The following DCUN1D4 variants were observed in gnomAD, a reference collection of about 807,000 sequenced individuals.
DCUN1D4 encodes defective in cullin neddylation 1 domain containing 4.
A neutral mutation model predicts 47.9 loss-of-function variants in DCUN1D4; 22 were observed. The ratio of observed to expected loss-of-function variants is 0.46; its 90% CI spans 0.33 to 0.66. The LOEUF (loss-of-function observed/expected upper bound fraction) is 0.66. Among genes scored for constraint, DCUN1D4 ranks in the 30% least tolerant of loss-of-function variants. DCUN1D4 has a pLI of 0.02. For synonymous variants in DCUN1D4, 121 were observed against 112.2 expected (o/e 1.08, Z -0.50); for missense variants, 301 against 340.8 (o/e 0.88, Z 0.92).
At chr4:51,834,682 G>A in the DCUN1D4 span, among the ~76,000 whole-genome samples, 2 of 152,114 alleles carry the variant, frequency 1.3e-5, no homozygotes, top group Non-Finnish European at 2.9e-5. Flanking sequence ...TCCCGAAAAT[G>A]GGAGCAGTCT....
chr4:51,874,171 C>T (rs1727320379), intron 3 of DCUN1D4, 100 bp from the exon 4 acceptor site: 1 of 616,950 alleles, frequency 1.6e-6, no homozygotes, highest in Admixed American at 3.4e-5. Flanking sequence ...CCTTACAATA[C>T]AAGCTGTGGA....
intron 1 of DCUN1D4, among the ~76,000 whole-genome samples, chr4:51,855,559 A>C (rs1043069368): frequency 1.3e-5 from 2 of 152,214 alleles, no homozygotes; most frequent in African/African-American, 4.8e-5. Flanking sequence ...GTCAAGGGTC[A>C]TGGAGGCTGA....
chr4:51,859,853 G>T (rs986531140), intron 1 of DCUN1D4, among the ~76,000 whole-genome samples: 1 of 152,042 alleles, frequency 6.6e-6, no homozygotes, highest in African/African-American at 2.4e-5. Context: ...TTGGAGAGCC[G>T]TCTGATCATG....
chr4:51,844,297 C>T, intron 1 of DCUN1D4: 1 of 897,732 alleles, frequency 1.1e-6, no homozygotes. Context: ...GTCCAAGCTT[C>T]GGGGTGCGGA....
intron 5 of DCUN1D4, among the ~76,000 whole-genome samples, chr4:51,882,018 A>G (rs911679647): frequency 2.6e-5 from 4 of 152,152 alleles, no homozygotes; most frequent in Non-Finnish European, 5.9e-5. Context: ...AAAGTGTTAG[A>G]TGGCAGGGTT....
intron 1 of DCUN1D4, among the ~76,000 whole-genome samples, chr4:51,847,031 C>G (rs181162453): frequency 6.6e-6 from 1 of 152,276 alleles, no homozygotes; most frequent in African/African-American, 2.4e-5. Flanking sequence ...TTGAACTGAT[C>G]TCATGCCACT....
At chr4:51,851,069 T>C (rs1338374698) in intron 1 of DCUN1D4, among the ~76,000 whole-genome samples, 1 of 152,212 alleles carries the variant, frequency 6.6e-6, no homozygotes, top group African/African-American at 2.4e-5. Context: ...GACAGTCTCC[T>C]AGGTAGCCTT....
intron 3 of DCUN1D4, among the ~76,000 whole-genome samples, chr4:51,870,934 G>A (rs769118027): frequency 2.0e-5 from 3 of 151,880 alleles, no homozygotes; most frequent in Non-Finnish European, 4.4e-5. Flanking sequence ...CAGCTGTGCT[G>A]TGTGGTCCTA....
chr4:51,900,799 T>G (rs943540581), intron 8 of DCUN1D4, among the ~76,000 whole-genome samples: 56 of 152,130 alleles, frequency 3.7e-4, no homozygotes, highest in African/African-American at 1.3e-3. Context: ...AGTCAGCTGT[T>G]TCTTATAGTA....
At chr4:51,875,671 A>G (rs1727560137) in intron 4 of DCUN1D4, among the ~76,000 whole-genome samples, 1 of 152,176 alleles carries the variant, frequency 6.6e-6, no homozygotes, top group Admixed American at 6.5e-5. Context: ...AGCCCCAGAC[A>G]ACCACTAATC....
intron 8 of DCUN1D4, among the ~76,000 whole-genome samples, chr4:51,906,751 ATT>A (rs750285322): frequency 7.2e-5 from 11 of 152,158 alleles, no homozygotes; most frequent in Admixed American, 1.3e-4. Context: ...AGCCAGGCAT[ATT>A]TGCTCAGCAG....
intron 1 of DCUN1D4, chr4:51,848,389 A>T: frequency 8.7e-7 from 1 of 1,155,942 alleles, no homozygotes; most frequent in African/African-American, 1.6e-5. Flanking sequence ...AGGGGCCTAG[A>T]GTGTTTGTCC....
chr4:51,888,088 C>A (rs940075019), intron 6 of DCUN1D4, among the ~76,000 whole-genome samples: 27 of 151,990 alleles, frequency 1.8e-4, no homozygotes, highest in Admixed American at 1.4e-3. Context: ...CCAAGCTTGG[C>A]AGAGTGTTTT....
At chr4:51,897,243 A>C (rs1731406693) in intron 7 of DCUN1D4, among the ~76,000 whole-genome samples, 1 of 152,232 alleles carries the variant, frequency 6.6e-6, no homozygotes, top group Non-Finnish European at 1.5e-5. Flanking sequence ...GTTTCATAGA[A>C]ATTAAACATT....
intron 8 of DCUN1D4, chr4:51,905,310 T>G (rs1468057756): frequency 4.6e-6 from 2 of 432,154 alleles, no homozygotes; most frequent in Non-Finnish European, 9.5e-6. Context: ...GCATCTGCCC[T>G]TGACGTCCAG....
chr4:51,836,840 G>T, the DCUN1D4 span, among the ~76,000 whole-genome samples: 1 of 152,138 alleles, frequency 6.6e-6, no homozygotes, highest in Non-Finnish European at 1.5e-5. Context: ...ATGCTCAGCT[G>T]CCATGCAGCC....
chr4:51,897,140 T>C (rs1731394176), intron 7 of DCUN1D4, among the ~76,000 whole-genome samples: 1 of 152,256 alleles, frequency 6.6e-6, no homozygotes, highest in Non-Finnish European at 1.5e-5. Context: ...TGTCATTCTC[T>C]TGAAGAAGTC....
chr4:51,886,839 T>C, intron 6 of DCUN1D4: 1 of 549,896 alleles, frequency 1.8e-6, no homozygotes, highest in Non-Finnish European at 3.3e-6. Context: ...ACTACAGTTA[T>C]TTTTTCTCTC....
At chr4:51,871,621 CTT>C (rs1360307861) in intron 3 of DCUN1D4, among the ~76,000 whole-genome samples, 1 of 152,166 alleles carries the variant, frequency 6.6e-6, no homozygotes, top group East Asian at 1.9e-4. Context: ...AAGAAAATGT[CTT>C]TTCTTCCTGC....
Sources: allele counts gnomAD v4.1 joint callset (sites outside exome capture counted in the v4.1 genomes callset), GRCh38; gene constraint gnomAD v4.1.1; transcripts MANE v1.5; gene names NCBI Gene and HGNC (gene_info 2026-07-23, HGNC 2026-07-21).